The following HCN1 variants were observed in gnomAD, a reference collection of about 807,000 sequenced individuals.
HCN1 encodes hyperpolarization activated cyclic nucleotide gated potassium channel 1, also known as potassium/sodium hyperpolarization-activated cyclic nucleotide-gated channel 1.
HCN1 carries 13 observed loss-of-function variants against 78.9 expected under a neutral mutation model. The observed-to-expected ratio is 0.16, with a 90% CI of 0.11 to 0.26. The LOEUF is 0.26. HCN1 is among the 10% of genes least tolerant of loss of function. HCN1 has a pLI of 1.00. For synonymous variants in HCN1, 552 were observed against 455.5 expected (o/e 1.21, Z -2.70); for missense variants, 810 against 1,154.3 (o/e 0.70, Z 4.32).
chr5:45,359,939 G>C (rs1747076712), intron 4 of HCN1, among the ~76,000 whole-genome samples: 1 of 149,846 alleles, frequency 6.7e-6, no homozygotes, highest in Admixed American at 6.6e-5. Flanking sequence ...TTTTGACTTT[G>C]AGTATATATA....
intron 5 of HCN1, among the ~76,000 whole-genome samples, chr5:45,345,934 T>G (rs976912975): frequency 1.3e-5 from 2 of 152,186 alleles, no homozygotes; most frequent in Admixed American, 6.5e-5. Flanking sequence ...TACTCGAAAA[T>G]GAGTTATTCA....
At chr5:45,307,187 C>T (rs1745753889) in intron 5 of HCN1, among the ~76,000 whole-genome samples, 1 of 151,906 alleles carries the variant, frequency 6.6e-6, no homozygotes, top group Non-Finnish European at 1.5e-5. Context: ...AATAAATAAC[C>T]AAGATCACAT....
At chr5:45,303,927 A>G in intron 5 of HCN1, 88 bp from the exon 6 acceptor site, 1 of 1,128,746 alleles carries the variant, frequency 8.9e-7, no homozygotes, top group Admixed American at 1.8e-5. Flanking sequence ...TATATACAGC[A>G]TAACATTGTA....
Position 45,522,602 on chromosome 5 carries a change from C to CT in HCN1, c.850-60596dup, listed in dbSNP as rs79339415. 4.8e-3 allele frequency among the ~76,000 whole-genome samples: 677 copies of CT among 141,290 alleles called. 1 individual carries two copies. The highest frequency in any genetic ancestry group is 0.011 in the Middle Eastern group (3 of 268). 92.7% of individuals were successfully genotyped at this position (141,290 alleles called of 152,430 possible). A position where few individuals can be genotyped will look rare whatever the true frequency, so the allele number is the denominator to read the frequency against. ...AATCCTTAAAATGTAAGTCTCTTTT[C>CT]TTTTTTTTTTTTTGTTTTGTTTTGT... On this transcript the variant is annotated intron_variant, in intron 2 of 7. Transcript: ENST00000303230.
At chr5:45,634,445 G>C (rs1745324452) in intron 2 of HCN1, among the ~76,000 whole-genome samples, 1 of 151,920 alleles carries the variant, frequency 6.6e-6, no homozygotes, top group South Asian at 2.1e-4. Context: ...GCAGAAAACT[G>C]GTCACTTAGA....
intron 2 of HCN1, among the ~76,000 whole-genome samples, chr5:45,483,673 C>T (rs1741699995): frequency 3.3e-5 from 5 of 152,034 alleles, no homozygotes; most frequent in African/African-American, 1.2e-4. Flanking sequence ...GTTTTGGGGG[C>T]TTAGCCAAAG....
At chr5:45,406,114 T>A (rs568147229) in intron 3 of HCN1, among the ~76,000 whole-genome samples, 2 of 152,156 alleles carry the variant, frequency 1.3e-5, no homozygotes, top group African/African-American at 2.4e-5. Context: ...TTCATCCAAT[T>A]TTTTATACTA....
At chr5:45,416,401 T>C (rs561369937) in intron 3 of HCN1, among the ~76,000 whole-genome samples, 119 of 152,164 alleles carry the variant, frequency 7.8e-4, no homozygotes, top group Middle Eastern at 3.4e-3. Context: ...ATATTATTCT[T>C]CACATATTTT....
chr5:45,486,641 T>C (rs2111688183), intron 2 of HCN1, among the ~76,000 whole-genome samples: 1 of 152,192 alleles, frequency 6.6e-6, no homozygotes, highest in Admixed American at 6.5e-5. Flanking sequence ...ATAGAATTAA[T>C]AGCAAAGCTA....
At chr5:45,484,755 A>T (rs141325905) in intron 2 of HCN1, among the ~76,000 whole-genome samples, 1 of 152,292 alleles carries the variant, frequency 6.6e-6, no homozygotes, top group Non-Finnish European at 1.5e-5. Flanking sequence ...CCTAATTGAC[A>T]CAGTGCTTAT....
chr5:45,535,674 A>G (rs2111813700), intron 2 of HCN1, among the ~76,000 whole-genome samples: 1 of 152,272 alleles, frequency 6.6e-6, no homozygotes, highest in African/African-American at 2.4e-5. Flanking sequence ...AATATAACTC[A>G]ATAAGTCTCA....
chr5:45,503,889 G>A (rs1742239591), intron 2 of HCN1, among the ~76,000 whole-genome samples: 1 of 151,836 alleles, frequency 6.6e-6, no homozygotes, highest in South Asian at 2.1e-4. Flanking sequence ...AGGTTCAGGC[G>A]ATTCTCCTGC....
intron 4 of HCN1, among the ~76,000 whole-genome samples, chr5:45,370,797 C>T (rs1554020883): frequency 6.6e-6 from 1 of 151,628 alleles, no homozygotes; most frequent in South Asian, 2.1e-4. Context: ...ACACAAAATG[C>T]AAAAAAATGT....
intron 2 of HCN1, among the ~76,000 whole-genome samples, chr5:45,544,089 C>G (rs1281775799): frequency 1.3e-5 from 2 of 152,010 alleles, no homozygotes. Flanking sequence ...GCATCAAATA[C>G]TTATCTGCTT....
At chr5:45,496,230 C>G (rs921111267) in intron 2 of HCN1, among the ~76,000 whole-genome samples, 1 of 151,990 alleles carries the variant, frequency 6.6e-6, no homozygotes, top group Non-Finnish European at 1.5e-5. Context: ...CCATCTGGTC[C>G]TGGACTCTTT....
At chr5:45,616,232 A>G (rs778233827) in intron 2 of HCN1, among the ~76,000 whole-genome samples, 1 of 151,996 alleles carries the variant, frequency 6.6e-6, no homozygotes, top group African/African-American at 2.4e-5. Flanking sequence ...AACTGTGGGC[A>G]TAACGTGATA....
chr5:45,514,520 C>T (rs1742481676), intron 2 of HCN1, among the ~76,000 whole-genome samples: 1 of 152,070 alleles, frequency 6.6e-6, no homozygotes, highest in African/African-American at 2.4e-5. Context: ...AAACCTGGTA[C>T]AAATAGTTCC....
chr5:45,404,931 C>T (rs1347829555), intron 3 of HCN1, among the ~76,000 whole-genome samples: 1 of 151,842 alleles, frequency 6.6e-6, no homozygotes, highest in African/African-American at 2.4e-5. Context: ...TTATTATTTG[C>T]AAGCAAATAC....
intron 2 of HCN1, among the ~76,000 whole-genome samples, chr5:45,633,013 A>C (rs1163873266): frequency 1.3e-5 from 2 of 152,002 alleles, no homozygotes; most frequent in African/African-American, 4.8e-5. Flanking sequence ...TTATTTAGTA[A>C]TTGTGAAAAT....
Sources: allele counts gnomAD v4.1 joint callset (sites outside exome capture counted in the v4.1 genomes callset), GRCh38; gene constraint gnomAD v4.1.1; transcripts MANE v1.5; gene names NCBI Gene and HGNC (gene_info 2026-07-23, HGNC 2026-07-21).